Variants in RBM22 observed in about 807,000 individuals in gnomAD.
RBM22 encodes pre-mRNA-splicing factor RBM22.
In RBM22, 1 loss-of-function variant was observed where a neutral mutation model predicts 50.1. The observed-to-expected ratio is 0.02, with a 90% CI of 0.01 to 0.09. The LOEUF (loss-of-function observed/expected upper bound fraction) is 0.09. Among genes scored for constraint, RBM22 ranks in the 10% least tolerant of loss-of-function variants. The probability of loss-of-function intolerance (pLI) is 1.00; values close to 1 mark genes in which losing one functional copy is unlikely to be tolerated. For missense variants in RBM22, 264 were observed against 529.3 expected (o/e 0.50, Z 4.92); for synonymous variants, 152 against 179.0 (o/e 0.85, Z 1.20).
In RBM22 at chr5:150,691,960, T is replaced by G. The variant is rs184266542; in HGVS notation, c.1133-79A>C. The G allele has an allele frequency of 4.5e-5, 61 of 1,346,776 alleles. No individual in the cohort carries two copies. The Admixed American group carries it at 7.5e-4, about 17-fold the overall frequency. 83.4% of individuals were successfully genotyped at this position (1,346,776 alleles called of 1,614,324 possible). A position where few individuals can be genotyped will look rare whatever the true frequency, so the allele number is the denominator to read the frequency against. On this transcript the variant is annotated intron_variant, in intron 10 of 10. Transcript: ENST00000199814. ...TCAAACCTCTCAATCTTGCTAAGGT[T>G]AAAACCACCTACACATAAATCAAGG... is the stretch of plus-strand genomic sequence containing the variant.
At position 150,696,029 on chromosome 5, in the gene RBM22, A is replaced by G. The variant is rs1759272435; in HGVS notation, c.546-323T>C. Among the ~76,000 whole-genome samples, 1 of 149,974 alleles carries G rather than the reference A, an allele frequency of 6.7e-6. No individual in the cohort carries two copies. Among genetic ancestry groups the G allele is most frequent in the Non-Finnish European group, 1.5e-5 (1 of 67,678 alleles). ...ACACATGATTACCCCTCTCTAGGTC[A>G]ATGATTCTTAACACATTTGGGGTGC... is the stretch of plus-strand genomic sequence containing the variant. On this transcript the variant is annotated intron_variant, in intron 6 of 10. Coordinates refer to ENST00000199814, the MANE Select transcript of RBM22 (RefSeq NM_018047.3). This position sits in a 1 kb window ranked among gnomAD's most constrained non-coding sequence, Gnocchi z 4.3.
In RBM22 at chr5:150,696,962, A is replaced by C; in HGVS notation, c.272-71T>G. 1 of 1,381,584 alleles carries C rather than the reference A, an allele frequency of 7.2e-7. No homozygotes were observed. The allele number at this position is 1,381,584 out of a possible 1,614,324, so 85.6% of individuals were successfully genotyped here. A position where few individuals can be genotyped will look rare whatever the true frequency, so the allele number is the denominator to read the frequency against. ...ATATCCATACTAACCATGCACACAG[A>C]ATACATCATCTTTCCCTTCTCCTCT... On this transcript the variant is annotated intron_variant, in intron 4 of 10. Coordinates refer to ENST00000199814, the MANE Select transcript of RBM22 (RefSeq NM_018047.3). This position sits in a 1 kb window ranked among gnomAD's most constrained non-coding sequence, Gnocchi z 4.3.
At position 150,691,851 on chromosome 5, in the gene RBM22, C is replaced by T; in HGVS notation, c.1163G>A (p.Gly388Glu). 6.3e-7 allele frequency: 1 copy of T among 1,598,636 alleles called. No individual in the cohort carries two copies. Among genetic ancestry groups the T allele is most frequent in the Non-Finnish European group, 8.5e-7 (1 of 1,172,500 alleles). The part of the protein sequence containing the change: ...GFGPHMFHPM[G>E]PPPPFMRAPG... The stretch of plus-strand genomic sequence containing the variant: ...AGCCCGCATGAAAGGAGGGGGTGGT[C>T]CCATTGGGTGGAACATGTGTGGCCC... Residue 388 changes from glycine (G) to glutamate (E), a missense_variant, in exon 11 of 11, where the codon GGA (glycine) becomes GAA (glutamate). Physicochemically the swap from Gly to Glu is moderately conservative, Grantham distance 98 (BLOSUM62 -2). Around this residue, in one of 7 missense-constraint regions of RBM22, gnomAD observed 106 missense variants for 137.1 expected, o/e 0.77. Transcript: ENST00000199814.
chr5:150,700,814 C>T, intron 1 of RBM22, 118 bp downstream of exon 1: 1 of 1,599,372 alleles, frequency 6.3e-7, no homozygotes, highest in Non-Finnish European at 8.5e-7. Flanking sequence ...CCAAGCTAGG[C>T]CGCCGCGCTG....
At chr5:150,694,386 C>G in intron 7 of RBM22, 146 bp from the exon 8 acceptor site, 2 of 1,295,312 alleles carry the variant, frequency 1.5e-6, no homozygotes, top group Non-Finnish European at 2.0e-6. Context: ...GTCTCCACCC[C>G]ATATCTTGTC....
intron 1 of RBM22, 75 bp from the exon 2 acceptor site, chr5:150,700,572 A>AG: frequency 6.2e-7 from 1 of 1,605,168 alleles, no homozygotes; most frequent in Non-Finnish European, 8.5e-7. Flanking sequence ...TGGGGTGGCG[A>AG]GGGGGCGGGA....
intron 10 of RBM22, 67 bp from the exon 11 acceptor site, chr5:150,691,948 T>A (rs1341536382): frequency 5.1e-5 from 72 of 1,402,344 alleles, no homozygotes; most frequent in Non-Finnish European, 6.6e-5. Flanking sequence ...AACCTCTCAA[T>A]CTTGCTAAGG....
chr5:150,697,412 C>T (rs952645279), intron 4 of RBM22, among the ~76,000 whole-genome samples: 3 of 152,130 alleles, frequency 2.0e-5, no homozygotes, highest in Admixed American at 2.0e-4. Flanking sequence ...GAGTGACACC[C>T]TGTCTCAAAA....
At chr5:150,692,095 G>A (rs974990060) in intron 10 of RBM22, among the ~76,000 whole-genome samples, 13 of 152,118 alleles carry the variant, frequency 8.5e-5, no homozygotes, top group Non-Finnish European at 1.0e-4. Context: ...AGCACTCAAG[G>A]TATCGCCTAG....
intron 1 of RBM22, 78 bp from the exon 2 acceptor site, chr5:150,700,575 G>A (rs758672131): frequency 1.1e-5 from 17 of 1,604,944 alleles, no homozygotes; most frequent in Admixed American, 8.5e-5. Context: ...GGTGGCGAGG[G>A]GGCGGGAAGC....
rs573756299 is a variant in RBM22, at chr5:150,700,293, TACACATG to T, written c.108+144_108+150del. 6.2e-4 allele frequency: 433 copies of T among 702,520 alleles called. 3 individuals carry two copies. The highest frequency in any genetic ancestry group is 5.2e-3 in the East Asian group (190 of 36,490). The allele number at this position is 702,520 out of a possible 1,614,324, so 43.5% of individuals were successfully genotyped here. On this transcript the variant is annotated intron_variant, in intron 2 of 10. Coordinates refer to ENST00000199814, the MANE Select transcript of RBM22 (RefSeq NM_018047.3). Reference sequence around the variant, plus strand: ...GAGTGTTACCGGATTCGTAAGAGAATACACATGACAGTTCTTTGCAAGTCGTCCAGCA... The same window carrying T: ...GAGTGTTACCGGATTCGTAAGAGAATACAGTTCTTTGCAAGTCGTCCAGCA...
At position 150,696,984 on chromosome 5, in the gene RBM22, C is replaced by G. The variant is rs41287134; in HGVS notation, c.272-93G>C. On this transcript the variant is annotated intron_variant, in intron 4 of 10. Transcript: ENST00000199814. This position sits in a 1 kb window ranked among gnomAD's most constrained non-coding sequence, Gnocchi z 4.3. ...CAGAATACATCATCTTTCCCTTCTC[C>G]TCTTTCCTATTTAGTACCAGAGACT... is the stretch of plus-strand genomic sequence containing the variant. The G allele has an allele frequency of 0.06, 73,380 of 1,216,034 alleles. 2,890 individuals are homozygous for G. The highest frequency in any genetic ancestry group is 0.14 in the East Asian group (5,998 of 41,630). 75.3% of individuals were successfully genotyped at this position (1,216,034 alleles called of 1,614,324 possible).
chr5:150,699,392 GAA>G, intron 2 of RBM22, 121 bp from the exon 3 acceptor site: 1 of 1,358,016 alleles, frequency 7.4e-7, no homozygotes, highest in Non-Finnish European at 9.7e-7. Context: ...CCTAGAGAGA[GAA>G]AAACAGCAAC....
At position 150,700,661 on chromosome 5, in the gene RBM22, T is replaced by C. The variant is rs764092615; in HGVS notation, c.55-164A>G. The C allele has an allele frequency of 6.5e-5, 100 of 1,528,212 alleles. No individual in the cohort carries two copies. The Middle Eastern group carries it at 2.7e-3, about 41-fold the overall frequency. 94.7% of individuals were successfully genotyped at this position (1,528,212 alleles called of 1,614,324 possible). On this transcript the variant is annotated intron_variant, in intron 1 of 10. Transcript: ENST00000199814. Reference sequence around the variant, plus strand: ...TCGCGGGAGGGGGCGCTGTCTGCACTTCCGGCAGGCGGCGGGAGAAAAGAA... The same window carrying C: ...TCGCGGGAGGGGGCGCTGTCTGCACCTCCGGCAGGCGGCGGGAGAAAAGAA...
intron 8 of RBM22, 74 bp from the exon 9 acceptor site, chr5:150,693,381 G>A: frequency 2.6e-6 from 3 of 1,153,816 alleles, no homozygotes; most frequent in Non-Finnish European, 3.8e-6. Context: ...ACATTCCCCA[G>A]TCCAATGGAG....
At position 150,699,176 on chromosome 5, in the gene RBM22, A is replaced by G. The variant is rs189261418; in HGVS notation, c.138+66T>C. 5.7e-4 allele frequency: 881 copies of G among 1,543,566 alleles called. 3 individuals carry two copies. The African/African-American group carries it at 0.011, about 19-fold the overall frequency. ...GAAGACCTCAAAACTTAGTAAGCTGAAGGCTAATTTGGTAGAGAAAAGAAA... is the reference window on the plus strand; with the variant it reads ...GAAGACCTCAAAACTTAGTAAGCTGGAGGCTAATTTGGTAGAGAAAAGAAA... On this transcript the variant is annotated intron_variant, in intron 3 of 10. Transcript: ENST00000199814.
In RBM22 at chr5:150,701,009, G is replaced by A. The variant is rs757775820; in HGVS notation, c.-24C>T. ...ATCTTGAGAGCGTCCGGAGGTAGCTGTAGCTTCCGAATTGGGAGAGAGGAC... is the reference window on the plus strand; with the variant it reads ...ATCTTGAGAGCGTCCGGAGGTAGCTATAGCTTCCGAATTGGGAGAGAGGAC... On this transcript the variant is annotated 5_prime_UTR_variant, in exon 1 of 11. Transcript: ENST00000199814. The A allele has an allele frequency of 6.2e-7, 1 of 1,614,182 alleles. No individual in the cohort carries two copies. Among genetic ancestry groups the A allele is most frequent in the South Asian group, 1.1e-5 (1 of 91,084 alleles).
At chr5:150,700,841 C>T (rs779537348) in intron 1 of RBM22, 91 bp downstream of exon 1, 1 of 1,612,076 alleles carries the variant, frequency 6.2e-7, no homozygotes, top group Non-Finnish European at 8.5e-7. Context: ...CCCCGGTATT[C>T]CTTCGGCCGC....
chr5:150,696,393 A>G lies in RBM22; in HGVS notation c.545+140T>C. ...ATTTATTCATGCTCTTCTAAATTTCATAGTTCTAAGACATGAGGTATACCA... is the reference window on the plus strand; with the variant it reads ...ATTTATTCATGCTCTTCTAAATTTCGTAGTTCTAAGACATGAGGTATACCA... On this transcript the variant is annotated intron_variant, in intron 6 of 10. Transcript: ENST00000199814. This position sits in a 1 kb window ranked among gnomAD's most constrained non-coding sequence, Gnocchi z 4.3. 1 of 937,230 alleles carries G rather than the reference A, an allele frequency of 1.1e-6. No homozygotes were observed. Among genetic ancestry groups the G allele is most frequent in the Non-Finnish European group, 1.6e-6 (1 of 642,814 alleles). The allele number at this position is 937,230 out of a possible 1,614,324, so 58.1% of individuals were successfully genotyped here.
Sources: gnomAD v4.1 joint callset for allele counts (sites outside exome capture counted in the v4.1 genomes callset) on GRCh38, gnomAD v4.1.1 for gene constraint, gnomAD v4.1.1 regional missense constraint, Gnocchi (gnomAD v3.1) non-coding constraint, MANE v1.5 for transcripts, NCBI Gene and HGNC (gene_info 2026-07-23, HGNC 2026-07-21) for gene names.